The following WASHC5 variants were observed in gnomAD, a reference collection of about 807,000 sequenced individuals.
The protein encoded by WASHC5 is WASH complex subunit strumpellin.
Under a neutral mutation model 150.4 loss-of-function variants are expected in WASHC5, and 101 were observed. The observed-to-expected ratio is 0.67, with a 90% CI of 0.57 to 0.79. WASHC5 has a LOEUF of 0.79. Among genes scored for constraint, WASHC5 ranks in the 30% least tolerant of loss-of-function variants. The pLI is 0.00. For missense variants in WASHC5, 1,195 were observed against 1,396.3 expected, an observed-to-expected ratio of 0.86 and a Z score of 2.30; for synonymous variants, 467 against 491.2, an observed-to-expected ratio of 0.95 and a Z score of 0.65.
chr8:125,078,371 C>T (rs1817125536), intron 6 of WASHC5, among the ~76,000 whole-genome samples: 1 of 152,166 alleles, frequency 6.6e-6, no homozygotes, highest in African/African-American at 2.4e-5. Context: ...CTGTCATCTG[C>T]CTTTCCTAAG....
chr8:125,043,088 T>C (rs1468757275), intron 23 of WASHC5, among the ~76,000 whole-genome samples: 5 of 152,182 alleles, frequency 3.3e-5, no homozygotes, highest in African/African-American at 9.7e-5. Context: ...CCCTGCTAGA[T>C]TGTGAGTTAG....
At chr8:125,040,908 A>G (rs900465286) in intron 23 of WASHC5, 1 of 152,254 alleles carries the variant, frequency 6.6e-6, no homozygotes. Flanking sequence ...ACCATTTCAG[A>G]ATAACGTTTT....
intron 24 of WASHC5, among the ~76,000 whole-genome samples, chr8:125,039,288 G>A (rs1300841410): frequency 6.6e-6 from 1 of 152,180 alleles, no homozygotes; most frequent in East Asian, 1.9e-4. Context: ...TAAGTAGGCA[G>A]CCTCAAATGA....
rs554772608 is a variant in WASHC5 at position 125,032,300 on chromosome 8, G to C, written c.3276C>G (p.Thr1092=). The change falls in exon 27 of 29, where the codon ACC becomes ACG. Residue 1092 remains threonine, a synonymous_variant. Coordinates refer to ENST00000318410, the MANE Select transcript of WASHC5 (RefSeq NM_014846.4). ...GGCCAATCAGCGCCAGGAACTGCTC[G>C]GTGTACCGGGAATGGAACTGCTTCA... is the stretch of plus-strand genomic sequence containing the variant. ...TLLKQFHSRY[T]EQFLALIGQF... The C allele has an allele frequency of 1.2e-6, 2 of 1,614,144 alleles. No individual in the cohort carries two copies. The highest frequency in any genetic ancestry group is 2.2e-5 in the East Asian group (1 of 44,868).
intron 9 of WASHC5, among the ~76,000 whole-genome samples, chr8:125,070,575 A>G (rs78089490): frequency 0.026 from 3,997 of 152,326 alleles, 183 homozygotes; most frequent in African/African-American, 0.092. Context: ...GGATAAAGTG[A>G]GGGCTTGAGT....
chr8:125,040,419 T>C (rs567947810), intron 23 of WASHC5, among the ~76,000 whole-genome samples: 18 of 152,232 alleles, frequency 1.2e-4, no homozygotes, highest in Non-Finnish European at 2.1e-4. Context: ...ATAATCTACA[T>C]AAAATCTTTC....
intron 9 of WASHC5, among the ~76,000 whole-genome samples, chr8:125,071,506 C>T (rs1263384468): frequency 6.6e-6 from 1 of 152,160 alleles, no homozygotes; most frequent in Non-Finnish European, 1.5e-5. Flanking sequence ...CTTTCAAAAT[C>T]GTATCACTTA....
At chr8:125,027,966 T>C (rs773271831) in intron 28 of WASHC5, among the ~76,000 whole-genome samples, 3 of 152,246 alleles carry the variant, frequency 2.0e-5, no homozygotes, top group Non-Finnish European at 2.9e-5. Context: ...CACTATTATG[T>C]ACTGACATTG....
At chr8:125,064,620 T>C (rs1413169523) in intron 10 of WASHC5, among the ~76,000 whole-genome samples, 1 of 151,976 alleles carries the variant, frequency 6.6e-6, no homozygotes, top group Non-Finnish European at 1.5e-5. Flanking sequence ...TTTTTTTTTT[T>C]CTGAAACAAA....
At chr8:125,033,102 C>A (rs12678891) in intron 26 of WASHC5, among the ~76,000 whole-genome samples, 22,012 of 152,016 alleles carry the variant, frequency 0.14, 2,048 homozygotes, top group Non-Finnish European at 0.21. Flanking sequence ...ATGTGGAGAC[C>A]CTGACCTCTG....
intron 26 of WASHC5, among the ~76,000 whole-genome samples, chr8:125,032,926 T>C (rs889182254): frequency 1.3e-5 from 2 of 151,840 alleles, no homozygotes; most frequent in Non-Finnish European, 2.9e-5. Flanking sequence ...ACACTAACGA[T>C]TTTTTAAAAA....
At chr8:125,046,994 C>T (rs1255963396) in intron 20 of WASHC5, among the ~76,000 whole-genome samples, 1 of 152,186 alleles carries the variant, frequency 6.6e-6, no homozygotes, top group East Asian at 1.9e-4. Context: ...TTGCCCATCG[C>T]TCACCTCTTG....
chr8:125,029,239 G>T (rs1563606145), intron 27 of WASHC5, among the ~76,000 whole-genome samples: 2 of 152,110 alleles, frequency 1.3e-5, no homozygotes, highest in Non-Finnish European at 1.5e-5. Context: ...CACCATGTTG[G>T]CCAGGCTGGT....
In WASHC5 at chr8:125,044,565, G is replaced by T. The variant is rs1354541328; in HGVS notation, c.2638C>A (p.Leu880Met). 1.9e-6 allele frequency: 3 copies of T among 1,614,000 alleles called. No homozygotes were observed. Among genetic ancestry groups the T allele is most frequent in the Non-Finnish European group, 1.7e-6 (2 of 1,179,976 alleles). ...AACTCTTTTACAATCATAAAGCACAGAAGCCTGTCTAAGCCATTTAGACCA... is the reference window on the plus strand; with the variant it reads ...AACTCTTTTACAATCATAAAGCACATAAGCCTGTCTAAGCCATTTAGACCA... Reference protein sequence around the residue: ...TFGLNGLDRLLCFMIVKELQN... With the variant: ...TFGLNGLDRLMCFMIVKELQN... The change falls in exon 21 of 29, where the codon CTG becomes ATG. Residue 880 changes from leucine to methionine, a missense_variant. Leu to Met is a conservative substitution (Grantham distance 15). Coordinates refer to ENST00000318410, the MANE Select transcript of WASHC5 (RefSeq NM_014846.4).
intron 10 of WASHC5, among the ~76,000 whole-genome samples, chr8:125,064,700 C>T (rs994936290): frequency 3.3e-5 from 5 of 151,928 alleles, no homozygotes; most frequent in Admixed American, 2.0e-4. Flanking sequence ...TCTTTTACAC[C>T]GGGCTCTTAG....
At chr8:125,063,726 G>T (rs1816668885) in intron 10 of WASHC5, 75 bp from the exon 11 acceptor site, 1 of 1,367,562 alleles carries the variant, frequency 7.3e-7, no homozygotes, top group Admixed American at 1.8e-5. Flanking sequence ...GAGAGCTTGA[G>T]GAAACCCAAT....
chr8:125,082,441 AC>A lies in WASHC5; in HGVS notation c.358del (p.Val120PhefsTer7), dbSNP rs771427385. 1.3e-6 allele frequency: 2 copies of A among 1,587,234 alleles called. No individual in the cohort carries two copies. Among genetic ancestry groups the A allele is most frequent in the Non-Finnish European group, 1.7e-6 (2 of 1,156,002 alleles). ...AGTTTCTAAGGTTTGCTGAATATAA[AC>A]CCCTTCATTGAGATCATCTAGATAT... ...NRYLDDLNEG[V>X]YIQQTLETVL... On this transcript the variant is annotated frameshift_variant, in exon 4 of 29. Transcript: ENST00000318410. LOFTEE classifies it high-confidence loss of function.
chr8:125,054,831 A>G (rs1436051362), intron 17 of WASHC5, among the ~76,000 whole-genome samples: 5 of 151,418 alleles, frequency 3.3e-5, no homozygotes, highest in Non-Finnish European at 5.9e-5. Flanking sequence ...AAAAAAAAAA[A>G]GGGATATGAT....
chr8:125,083,141 C>T lies in WASHC5; in HGVS notation c.304G>A (p.Val102Ile). ...TTTAAGTCTACAATATATTTATGTACACTTTGAAATGCTAAATAAAATCTG... is the reference window on the plus strand; with the variant it reads ...TTTAAGTCTACAATATATTTATGTATACTTTGAAATGCTAAATAAAATCTG... ...VTRFYLAFQSVHKYIVDLNRY... is the reference protein window; with the variant it reads ...VTRFYLAFQSIHKYIVDLNRY... Residue 102 changes from valine to isoleucine, a missense_variant, in exon 3 of 29, where the codon GTA becomes ATA. Val to Ile is a conservative substitution (Grantham distance 29). Around this residue, in one of 3 missense-constraint regions of WASHC5, gnomAD observed 195 missense variants for 206.9 expected, o/e 0.94. Transcript: ENST00000318410. The T allele has an allele frequency of 6.4e-7, 1 of 1,553,702 alleles. No homozygotes were observed. Among genetic ancestry groups the T allele is most frequent in the Non-Finnish European group, 8.9e-7 (1 of 1,125,936 alleles).
Sources: gnomAD v4.1 joint callset for allele counts (sites outside exome capture counted in the v4.1 genomes callset) on GRCh38, gnomAD v4.1.1 for gene constraint, gnomAD v4.1.1 regional missense constraint, MANE v1.5 for transcripts, NCBI Gene and HGNC (gene_info 2026-07-23, HGNC 2026-07-21) for gene names.